The following PALD1 variants were observed in gnomAD, a reference collection of about 807,000 sequenced individuals.
The protein encoded by PALD1 is paladin.
PALD1 carries 57 observed loss-of-function variants against 96.0 expected under a neutral mutation model. The observed-to-expected ratio is 0.59, with a 90% CI of 0.48 to 0.74. The LOEUF is 0.74. PALD1 is among the 30% of genes least tolerant of loss of function. The pLI, the probability that PALD1 is intolerant of heterozygous loss-of-function variation, is 0.00. For synonymous variants in PALD1, 464 were observed against 473.6 expected (o/e 0.98, Z 0.26); for missense variants, 1,063 against 1,143.7 (o/e 0.93, Z 1.02).
At chr10:70,511,951 T>A (rs1846523764) in intron 1 of PALD1, among the ~76,000 whole-genome samples, 1 of 151,586 alleles carries the variant, frequency 6.6e-6, no homozygotes, top group Non-Finnish European at 1.5e-5. Flanking sequence ...CACTTGAACC[T>A]GGGAGGCGGA....
Position 70,539,712 on chromosome 10 carries a change from C to T in PALD1, c.1858C>T (p.Leu620Phe), listed in dbSNP as rs200497461. The T allele has an allele frequency of 3.1e-6, 5 of 1,613,406 alleles. No homozygotes were observed. The highest frequency in any genetic ancestry group is 1.3e-5 in the African/African-American group (1 of 74,964). ...FSQHRRACPGLTYHRIPMPDF... is the reference protein window; with the variant it reads ...FSQHRRACPGFTYHRIPMPDF... ...CCAGCACCGCAGGGCCTGTCCTGGC[C>T]TCACCTACCACCGCATCCCCATGCC... The change falls in exon 15 of 20, where the codon CTC becomes TTC. Residue 620 changes from leucine to phenylalanine, a missense_variant. Transcript: ENST00000263563. This position sits in a 1 kb window ranked among gnomAD's most constrained non-coding sequence, Gnocchi z 4.5.
chr10:70,499,787 A>C (rs1478769632), intron 1 of PALD1, among the ~76,000 whole-genome samples: 1 of 152,154 alleles, frequency 6.6e-6, no homozygotes, highest in Non-Finnish European at 1.5e-5. Context: ...GTGTGAGCCT[A>C]GGCATTCAGG....
intron 1 of PALD1, among the ~76,000 whole-genome samples, chr10:70,499,423 C>G (rs751001124): frequency 2.0e-5 from 3 of 152,180 alleles, no homozygotes; most frequent in African/African-American, 7.2e-5. Context: ...CTGGGCCAGG[C>G]GGGAGTGTCT....
chr10:70,518,329 G>T (rs548001101), intron 1 of PALD1, among the ~76,000 whole-genome samples: 1 of 152,174 alleles, frequency 6.6e-6, no homozygotes, highest in Non-Finnish European at 1.5e-5. Flanking sequence ...TTTTCTGCAC[G>T]TATTTGCATT....
intron 18 of PALD1, among the ~76,000 whole-genome samples, chr10:70,560,032 G>A (rs542837775): frequency 3.5e-4 from 53 of 152,302 alleles, no homozygotes; most frequent in Non-Finnish European, 6.2e-4. Context: ...GCTGGTGCCC[G>A]CCCCTGGGTT....
chr10:70,525,312 A>G (rs1846833903), intron 1 of PALD1, among the ~76,000 whole-genome samples: 1 of 152,018 alleles, frequency 6.6e-6, no homozygotes, highest in South Asian at 2.1e-4. Context: ...GCACCCGGCC[A>G]CCAATTCAGA....
intron 1 of PALD1, among the ~76,000 whole-genome samples, chr10:70,525,030 C>G (rs1483726827): frequency 6.6e-6 from 1 of 152,156 alleles, no homozygotes; most frequent in African/African-American, 2.4e-5. Flanking sequence ...GAGATAGAGT[C>G]TCACTCTGTC....
intron 1 of PALD1, among the ~76,000 whole-genome samples, chr10:70,506,816 T>C (rs910228317): frequency 6.6e-6 from 1 of 152,118 alleles, no homozygotes; most frequent in Non-Finnish European, 1.5e-5. Context: ...AGAGGAGCCC[T>C]CTGTCTTCCT....
In PALD1 at chr10:70,529,897, C is replaced by T. The variant is rs1243800474; in HGVS notation, c.297C>T (p.Tyr99=). Residue 99 remains tyrosine (Y), a synonymous_variant, in exon 4 of 20, where the codon TAC becomes TAT. Transcript: ENST00000263563. ...TGGCTCTCCCCTGCCAGGGCCGCTA[C>T]TTCCTGGTGCGGGATGTCACTGAGA... ...TPEHYLVQGR[Y]FLVRDVTEKM... is the part of the protein sequence containing the mutation. 6.2e-7 allele frequency: 1 copy of T among 1,613,734 alleles called. No homozygotes were observed. The highest frequency in any genetic ancestry group is 8.5e-7 in the Non-Finnish European group (1 of 1,179,896).
Position 70,541,453 on chromosome 10 carries a change from C to G in PALD1, c.2050-10C>G, listed in dbSNP as rs373228667. 2.5e-6 allele frequency: 4 copies of G among 1,613,252 alleles called. No individual in the cohort carries two copies. Among genetic ancestry groups the G allele is most frequent in the Non-Finnish European group, 3.4e-6 (4 of 1,179,396 alleles). ...AGGGGGCTTCTGTCTCAGCAGCTGT[C>G]TTCCCTCAGGGCTTCCCCGAGGTGG... On this transcript the variant is annotated splice_polypyrimidine_tract_variant and intron_variant, in intron 16 of 19. Transcript: ENST00000263563.
rs1427230427 is a variant in PALD1, at chr10:70,566,524, C to T, written c.2419-57C>T. The T allele has an allele frequency of 3.6e-6, 5 of 1,388,490 alleles. No individual in the cohort carries two copies. The Admixed American group carries it at 6.0e-5, about 17-fold the overall frequency. 86.0% of individuals were successfully genotyped at this position (1,388,490 alleles called of 1,614,324 possible). On this transcript the variant is annotated intron_variant, in intron 19 of 19. Transcript: ENST00000263563. ...CAGACTCATCTTCAGAACTCAGTGG[C>T]CTTAGTGGCACCCTCCCTCCCCTGA... is the stretch of plus-strand genomic sequence containing the variant.
the PALD1 span, among the ~76,000 whole-genome samples, chr10:70,461,411 A>G: frequency 6.6e-6 from 1 of 152,190 alleles, no homozygotes; most frequent in Non-Finnish European, 1.5e-5. Context: ...CACCCCCACC[A>G]GATGGCAAGC....
chr10:70,513,644 C>T (rs1259425784), intron 1 of PALD1, among the ~76,000 whole-genome samples: 3 of 152,230 alleles, frequency 2.0e-5, no homozygotes, highest in African/African-American at 7.2e-5. Context: ...AACGCTTCAG[C>T]CTGTATTTCC....
In PALD1 at chr10:70,541,118, T is replaced by C. The variant is rs1477207345; in HGVS notation, c.1925T>C (p.Leu642Pro). Residue 642 changes from leucine to proline, a missense_variant, in exon 16 of 20, where the codon CTG (leucine) becomes CCG (proline). Transcript: ENST00000263563. Reference sequence around the variant, plus strand: ...CTCGTCCAGGACTTTGACCAGCTGCTGGAGGCCCTGCGGGCCGCCCTCTCC... The same window carrying C: ...CTCGTCCAGGACTTTGACCAGCTGCCGGAGGCCCTGCGGGCCGCCCTCTCC... ...APREEDFDQL[L>P]EALRAALSKD... The C allele has an allele frequency of 6.2e-7, 1 of 1,607,456 alleles. No individual in the cohort carries two copies. Among genetic ancestry groups the C allele is most frequent in the Admixed American group, 1.7e-5 (1 of 57,838 alleles).
upstream of PALD1, among the ~76,000 whole-genome samples, chr10:70,475,524 A>G (rs1306497513): frequency 6.7e-6 from 1 of 149,478 alleles, no homozygotes; most frequent in Non-Finnish European, 1.5e-5. Flanking sequence ...TCCACTCCTC[A>G]GGTCCAGTGT....
chr10:70,473,148 C>T, the PALD1 span, among the ~76,000 whole-genome samples: 21 of 152,164 alleles, frequency 1.4e-4, no homozygotes, highest in African/African-American at 4.8e-4. Flanking sequence ...CCCACGTCTC[C>T]CCACCCCTAG....
chr10:70,549,657 G>C lies in PALD1; in HGVS notation c.2262+2211G>C, dbSNP rs188752651. ...GCAAAACGAGTTTAGAGGCAGCAAA[G>C]GTGGTTCGGTGCCCGCATCTGATGA... On this transcript the variant is annotated intron_variant, in intron 18 of 19. Transcript: ENST00000263563. Among the ~76,000 whole-genome samples, 303 of 152,380 alleles carry C rather than the reference G, an allele frequency of 2.0e-3. 1 individual carries two copies. Among genetic ancestry groups the C allele is most frequent in the South Asian group, 3.3e-3 (16 of 4,826 alleles).
intron 3 of PALD1, among the ~76,000 whole-genome samples, chr10:70,529,619 C>T (rs367581887): frequency 2.0e-4 from 31 of 152,274 alleles, no homozygotes; most frequent in Middle Eastern, 3.4e-3. Flanking sequence ...CTGGCTCAGA[C>T]GTCACCTCCC....
intron 1 of PALD1, among the ~76,000 whole-genome samples, chr10:70,501,841 G>A (rs770804336): frequency 6.6e-6 from 1 of 151,882 alleles, no homozygotes; most frequent in African/African-American, 2.4e-5. Flanking sequence ...GTGTGCGTGC[G>A]TGCATGCATA....
Sources: allele counts gnomAD v4.1 joint callset (sites outside exome capture counted in the v4.1 genomes callset), GRCh38; gene constraint gnomAD v4.1.1; non-coding constraint Gnocchi (gnomAD v3.1); transcripts MANE v1.5; gene names NCBI Gene and HGNC (gene_info 2026-07-23, HGNC 2026-07-21).